Variants in ERCC6 observed in about 807,000 individuals in gnomAD.
ERCC6 encodes ERCC excision repair 6, chromatin remodeling factor, also known as DNA excision repair protein ERCC-6.
In ERCC6, 116 loss-of-function variants were observed where a neutral mutation model predicts 158.7. The ratio of observed to expected loss-of-function variants is 0.73; its 90% confidence interval spans 0.63 to 0.85. The LOEUF (loss-of-function observed/expected upper bound fraction) is 0.85, where lower values mean the gene tolerates loss of function less well. ERCC6 is among the 40% of genes least tolerant of loss of function. The pLI is 0.00. For synonymous variants in ERCC6, 678 were observed against 659.3 expected (o/e 1.03, Z -0.43); for missense variants, 1,698 against 1,799.4 (o/e 0.94, Z 1.02).
chr10:49,513,663 T>G lies in ERCC6; in HGVS notation c.1398-7651A>C, dbSNP rs139186843. On this transcript the variant is annotated intron_variant, in intron 5 of 20. Coordinates refer to ENST00000355832, the MANE Select transcript of ERCC6 (RefSeq NM_000124.4). The stretch of plus-strand genomic sequence containing the variant: ...AAGTGAGTGCAAGCACAGGAAAAAC[T>G]TCCACTTTTAAAACCATAAGCTCTC... Among the ~76,000 whole-genome samples the G allele has an allele frequency of 6.8e-3, 1,039 of 152,156 alleles. 3 individuals are homozygous for G. Among genetic ancestry groups the G allele is most frequent in the Non-Finnish European group, 0.01 (681 of 67,992 alleles).
At chr10:49,461,645 G>T in intron 18 of ERCC6, 89 bp from the exon 19 acceptor site, 1 of 1,316,274 alleles carries the variant, frequency 7.6e-7, no homozygotes, top group Non-Finnish European at 1.1e-6. Context: ...TACTGTAGTA[G>T]ACAAAAACAA....
chr10:49,502,438 T>A (rs1851371505), intron 6 of ERCC6: 1 of 152,200 alleles, frequency 6.6e-6, no homozygotes. Flanking sequence ...AATCAGAGAA[T>A]AATGGCTACC....
rs371911893 is a variant in ERCC6 at position 49,483,330 on chromosome 10, T to C, written c.1992+16A>G. On this transcript the variant is annotated intron_variant, in intron 9 of 20. Transcript: ENST00000355832. ...CTTCTCCACTTGGAAATCTCCCTTG[T>C]TAAAAGAGGTCATACCTGTTTGCAA... 1 of 1,613,586 alleles carries C rather than the reference T, an allele frequency of 6.2e-7. No individual in the cohort carries two copies. The highest frequency in any genetic ancestry group is 8.5e-7 in the Non-Finnish European group (1 of 1,179,526).
intron 3 of ERCC6, among the ~76,000 whole-genome samples, chr10:49,528,779 G>GC (rs1837401553): frequency 2.0e-5 from 3 of 152,138 alleles, no homozygotes; most frequent in African/African-American, 7.2e-5. Context: ...GAGGACGGCA[G>GC]ACTGCCTTCT....
chr10:49,496,943 AT>A (rs1274543588), intron 7 of ERCC6, among the ~76,000 whole-genome samples: 2 of 152,244 alleles, frequency 1.3e-5, no homozygotes, highest in Admixed American at 1.3e-4. Context: ...AAACAATGAA[AT>A]TTTGGTAAAG....
intron 1 of ERCC6, among the ~76,000 whole-genome samples, 190 bp downstream of exon 1, chr10:49,538,772 G>A (rs1408118291): frequency 1.3e-5 from 2 of 152,228 alleles, no homozygotes; most frequent in Non-Finnish European, 2.9e-5. Context: ...GCTCCTTGGC[G>A]CTACTTCCGG....
intron 1 of ERCC6, among the ~76,000 whole-genome samples, chr10:49,534,385 A>C (rs1249330731): frequency 6.6e-6 from 1 of 152,232 alleles, no homozygotes; most frequent in Non-Finnish European, 1.5e-5. Context: ...ATTCCAGAGA[A>C]CTAGTCACAC....
Position 49,532,806 on chromosome 10 carries a change from C to A in ERCC6, c.159G>T (p.Gly53=), listed in dbSNP as rs777387031. ...CGCACCCCACAGCAGAGGTGGACAG[C>A]CCGTCACCCACAGAACGAAAGGAGA... The part of the protein sequence containing the change: ...EYLSFRSVGD[G]LSTSAVGCAS... Residue 53 remains glycine (G), a synonymous_variant, in exon 2 of 21, where the codon GGG becomes GGT. Transcript: ENST00000355832. 1.2e-6 allele frequency: 2 copies of A among 1,614,218 alleles called. No homozygotes were observed. The highest frequency in any genetic ancestry group is 1.7e-6 in the Non-Finnish European group (2 of 1,180,044).
In ERCC6 at chr10:49,474,323, A is replaced by G. The variant is rs997557266; in HGVS notation, c.2383-81T>C. ...CCTAGGCAAGGAGGCTGTTTAACCT[A>G]TAACACAGACTAAAAAACAGTTCTC... is the stretch of plus-strand genomic sequence containing the variant. On this transcript the variant is annotated intron_variant, in intron 12 of 20. Transcript: ENST00000355832. 7.3e-6 allele frequency: 8 copies of G among 1,088,732 alleles called. No homozygotes were observed. In the African/African-American group the frequency reaches 1.1e-4, roughly 15 times the overall value. The allele number at this position is 1,088,732 out of a possible 1,614,324, so 67.4% of individuals were successfully genotyped here. A position where few individuals can be genotyped will look rare whatever the true frequency, so the allele number is the denominator to read the frequency against.
chr10:49,508,154 C>CACTT (rs973183347), intron 5 of ERCC6, among the ~76,000 whole-genome samples: 1 of 152,168 alleles, frequency 6.6e-6, no homozygotes, highest in Non-Finnish European at 1.5e-5. Context: ...GAATCACAGC[C>CACTT]ACTTAAACAT....
Position 49,476,213 on chromosome 10 carries a change from ACC to A in ERCC6, c.2382_2382+1del. The A allele has an allele frequency of 6.2e-7, 1 of 1,604,206 alleles. No individual in the cohort carries two copies. Among genetic ancestry groups the A allele is most frequent in the Non-Finnish European group, 8.5e-7 (1 of 1,170,978 alleles). ...TTCTCCAGCTTCTATTTTTTAGCTG[ACC>A]TGCATCTCTCCATTGAGAATCCTGT... On this transcript the variant is annotated splice_donor_variant and coding_sequence_variant, in exon 12 of 21. Transcript: ENST00000355832. LOFTEE classifies it high-confidence loss of function.
At chr10:49,437,896 G>T in the ERCC6 span, among the ~76,000 whole-genome samples, 2 of 152,182 alleles carry the variant, frequency 1.3e-5, no homozygotes, top group South Asian at 4.1e-4. Context: ...ATAACCATTT[G>T]AGAATAGGAC....
intron 5 of ERCC6, among the ~76,000 whole-genome samples, chr10:49,514,513 T>C (rs1325325013): frequency 6.6e-6 from 1 of 152,192 alleles, no homozygotes; most frequent in East Asian, 1.9e-4. Flanking sequence ...GTGCTCAAAA[T>C]TCAAAACAGA....
At chr10:49,528,332 CAA>C in intron 4 of ERCC6, 83 bp downstream of exon 4, 3 of 1,526,284 alleles carry the variant, frequency 2.0e-6, no homozygotes, top group Non-Finnish European at 2.7e-6. Context: ...AAAACCCAGG[CAA>C]AGACTAAAGA....
At chr10:49,514,075 C>T (rs1007214395) in intron 5 of ERCC6, among the ~76,000 whole-genome samples, 7 of 152,052 alleles carry the variant, frequency 4.6e-5, no homozygotes, top group Non-Finnish European at 8.8e-5. Context: ...TGCCACAGAA[C>T]GAAAGCAATT....
chr10:49,444,362 G>A, the ERCC6 span, among the ~76,000 whole-genome samples: 5 of 152,208 alleles, frequency 3.3e-5, no homozygotes, highest in Admixed American at 3.3e-4. Context: ...AGGCAAACAG[G>A]GGGTCTCAAA....
intron 6 of ERCC6, chr10:49,503,018 T>C (rs1851380726): frequency 6.6e-6 from 1 of 152,174 alleles, no homozygotes. Flanking sequence ...CTCTTTTTGC[T>C]GAGATACAGA....
Position 49,478,224 on chromosome 10 carries a change from C to T in ERCC6, c.2286+130G>A, listed in dbSNP as rs1049165304. 1.1e-4 allele frequency: 84 copies of T among 790,596 alleles called. 1 individual carries two copies. In the East Asian group the frequency reaches 1.6e-3, roughly 15 times the overall value. The allele number at this position is 790,596 out of a possible 1,614,324, so 49.0% of individuals were successfully genotyped here. On this transcript the variant is annotated intron_variant, in intron 11 of 20. Transcript: ENST00000355832. ...AATCCACTGAGGGCAGACGCCACAG[C>T]GGGCCTAGCCTGCCCACAGTTCCAG...
At chr10:49,516,592 A>G in intron 5 of ERCC6, 1 of 1,614,128 alleles carries the variant, frequency 6.2e-7, no homozygotes, top group South Asian at 1.1e-5. Context: ...GAGCTAGTCA[A>G]GCCAAGATGT....
Sources: allele counts gnomAD v4.1 joint callset (sites outside exome capture counted in the v4.1 genomes callset), GRCh38; gene constraint gnomAD v4.1.1; transcripts MANE v1.5; gene names NCBI Gene and HGNC (gene_info 2026-07-23, HGNC 2026-07-21).